The following ZNF655 variants were observed in gnomAD, a reference collection of about 807,000 sequenced individuals.
The protein encoded by ZNF655 is zinc finger protein 655.
In ZNF655, 3 loss-of-function variants were observed where a neutral mutation model predicts 6.6. That is an observed-to-expected ratio of 0.46 (90% CI 0.21 to 1.18). The LOEUF is 1.18. ZNF655 is among the 50% of genes most tolerant of loss of function. ZNF655 has a pLI of 0.24. For missense variants in ZNF655, 526 were observed against 572.3 expected, an observed-to-expected ratio of 0.92 and a Z score of 0.83; for synonymous variants, 178 against 195.0, an observed-to-expected ratio of 0.91 and a Z score of 0.73.
At chr7:99,560,791 G>C in intron 2 of ZNF655, 96 bp downstream of exon 2, 1 of 1,491,354 alleles carries the variant, frequency 6.7e-7, no homozygotes, top group Non-Finnish European at 9.1e-7. Context: ...CCAAGAACTG[G>C]AATAAGAACA....
rs1226020895 is a variant in ZNF655 at position 99,572,314 on chromosome 7, A to G, written c.206A>G (p.Tyr69Cys). 9.3e-6 allele frequency: 15 copies of G among 1,613,338 alleles called. No homozygotes were observed. The highest frequency in any genetic ancestry group is 2.2e-5 in the South Asian group (2 of 91,028). Reference sequence around the variant, plus strand: ...AAAATTTCGGAAGAAGTGCATTCATACAAAGTGAGAGTAGGAAGACTCAAA... The same window carrying G: ...AAAATTTCGGAAGAAGTGCATTCATGCAAAGTGAGAGTAGGAAGACTCAAA... The part of the protein sequence containing the change: ...KQKISEEVHS[Y>C]KVRVGRLKHD... The change falls in exon 3 of 3, where the codon TAC (tyrosine) becomes TGC (cysteine). Residue 69 changes from tyrosine to cysteine, a missense_variant. Coordinates refer to ENST00000252713, the MANE Select transcript of ZNF655 (RefSeq NM_138494.3).
intron 2 of ZNF655, chr7:99,561,938 G>C: frequency 6.3e-7 from 1 of 1,598,108 alleles, no homozygotes; most frequent in East Asian, 2.3e-5. Flanking sequence ...AAGCCCAGGA[G>C]ACCAGGCAGC....
At chr7:99,566,041 G>GTGTA (rs59166250) in intron 2 of ZNF655, among the ~76,000 whole-genome samples, 2 of 149,994 alleles carry the variant, frequency 1.3e-5, no homozygotes, top group South Asian at 2.1e-4. Context: ...GTGTGTGTGT[G>GTGTA]TATATATATA....
intron 2 of ZNF655, chr7:99,564,346 G>GCGAACACAA: frequency 8.8e-7 from 1 of 1,139,424 alleles, no homozygotes. Context: ...CTTTTATGTG[G>GCGAACACAA]CGAACACAAC....
intron 2 of ZNF655, chr7:99,564,353 C>T (rs777302459): frequency 1.3e-4 from 150 of 1,131,862 alleles, no homozygotes; most frequent in Non-Finnish European, 1.6e-4. Context: ...GTGGCGAACA[C>T]AACCTGCCCC....
intron 2 of ZNF655, among the ~76,000 whole-genome samples, chr7:99,566,373 A>G (rs1803634894): frequency 6.6e-6 from 1 of 152,210 alleles, no homozygotes; most frequent in African/African-American, 2.4e-5. Flanking sequence ...GGGACCAGAA[A>G]GGACATGCAT....
In ZNF655 at chr7:99,575,889, C is replaced by T. The variant is rs1804367107; in HGVS notation, c.*2305C>T. 1 of 152,162 alleles carries T rather than the reference C, an allele frequency of 6.6e-6. No homozygotes were observed. The highest frequency in any genetic ancestry group is 2.1e-4 in the South Asian group (1 of 4,830). 9.4% of individuals were successfully genotyped at this position (152,162 alleles called of 1,614,324 possible). A position where few individuals can be genotyped will look rare whatever the true frequency, so the allele number is the denominator to read the frequency against. ...ATAAAAGTGATTACAGATGTTGGCTCAAGTTCAGGGCCACCATCATATACC... is the reference window on the plus strand; with the variant it reads ...ATAAAAGTGATTACAGATGTTGGCTTAAGTTCAGGGCCACCATCATATACC... On this transcript the variant is annotated 3_prime_UTR_variant, in exon 3 of 3. Coordinates refer to ENST00000252713, the MANE Select transcript of ZNF655 (RefSeq NM_138494.3).
At chr7:99,564,120 C>A in intron 2 of ZNF655, 1 of 1,519,578 alleles carries the variant, frequency 6.6e-7, no homozygotes. Flanking sequence ...TGTAAAATCG[C>A]AGCTCCTCAA....
intron 2 of ZNF655, chr7:99,571,476 C>T: frequency 7.8e-7 from 1 of 1,278,868 alleles, no homozygotes; most frequent in Non-Finnish European, 1.0e-6. Flanking sequence ...CTTCTGCTCC[C>T]AAGTCATCAA....
intron 1 of ZNF655, among the ~76,000 whole-genome samples, chr7:99,559,418 G>T (rs1202622549): frequency 1.3e-5 from 2 of 152,050 alleles, no homozygotes; most frequent in South Asian, 2.1e-4. Context: ...GTAAACGCGG[G>T]CCTGTCACGG....
At position 99,574,101 on chromosome 7, in the gene ZNF655, A is replaced by G. The variant is rs1267486158; in HGVS notation, c.*517A>G. 6.5e-6 allele frequency: 1 copy of G among 154,090 alleles called. No homozygotes were observed. Among genetic ancestry groups the G allele is most frequent in the Non-Finnish European group, 1.4e-5 (1 of 69,236 alleles). The allele number at this position is 154,090 out of a possible 1,614,324, so 9.5% of individuals were successfully genotyped here. ...AAGAGAACTTATTTGGGTGTAGTAA[A>G]TGGCAGATCTTTCAATAGGAGTTTA... On this transcript the variant is annotated 3_prime_UTR_variant, in exon 3 of 3. Transcript: ENST00000252713.
chr7:99,564,448 C>T (rs1031310104), intron 2 of ZNF655: 58 of 1,010,238 alleles, frequency 5.7e-5, no homozygotes, highest in South Asian at 2.1e-4. Context: ...TCCCTGTGGC[C>T]CTCTTCAAGG....
chr7:99,572,275 T>A lies in ZNF655; in HGVS notation c.167T>A (p.Leu56Ter). 1 of 1,609,444 alleles carries A rather than the reference T, an allele frequency of 6.2e-7. No individual in the cohort carries two copies. The highest frequency in any genetic ancestry group is 8.5e-7 in the Non-Finnish European group (1 of 1,178,536). ...DGETREENKL[L>*]IPKQKISEEV... is the part of the protein sequence containing the mutation. ...GAGACCAGAGAAGAGAACAAGCTGT[T>A]GATTCCTAAGCAGAAAATTTCGGAA... Residue 56 changes from leucine (L) to a stop codon, truncating the protein, a stop_gained, in exon 3 of 3, where the codon TTG (leucine) becomes TAG (stop). Transcript: ENST00000252713. LOFTEE classifies it low-confidence loss of function (END_TRUNC).
chr7:99,567,192 ATAACT>A (rs779801880), intron 2 of ZNF655, among the ~76,000 whole-genome samples: 11 of 152,246 alleles, frequency 7.2e-5, no homozygotes, highest in Admixed American at 1.3e-4. Flanking sequence ...AAAGGTTTTA[ATAACT>A]TAATTTTAAA....
intron 2 of ZNF655, chr7:99,560,912 C>A: frequency 2.4e-6 from 1 of 424,160 alleles, no homozygotes; most frequent in Non-Finnish European, 4.0e-6. Flanking sequence ...AGAGTGATGG[C>A]TGCTTACTCG....
intron 2 of ZNF655, chr7:99,562,096 AATTGATCCTCTTC>A: frequency 1.1e-6 from 1 of 898,930 alleles, no homozygotes; most frequent in Non-Finnish European, 1.6e-6. Context: ...CCAGTTTGGG[AATTGATCCTCTTC>A]GGAGACCTGG....
intron 2 of ZNF655, among the ~76,000 whole-genome samples, chr7:99,561,236 C>G (rs1803126518): frequency 6.6e-6 from 1 of 152,254 alleles, no homozygotes; most frequent in South Asian, 2.1e-4. Flanking sequence ...TACGCAGTCA[C>G]ACTTTGCTGT....
intron 1 of ZNF655, among the ~76,000 whole-genome samples, chr7:99,559,816 C>T (rs1216143881): frequency 7.8e-6 from 1 of 127,570 alleles, no homozygotes; most frequent in East Asian, 2.2e-4. Flanking sequence ...TTTGTAGGGA[C>T]GGGGTTTCAC....
intron 2 of ZNF655, chr7:99,561,839 G>A: frequency 7.5e-7 from 1 of 1,325,836 alleles, no homozygotes; most frequent in Non-Finnish European, 1.0e-6. Context: ...CTGAAAGGGA[G>A]CCCTGGGAAA....
Sources: allele counts gnomAD v4.1 joint callset (sites outside exome capture counted in the v4.1 genomes callset), GRCh38; gene constraint gnomAD v4.1.1; transcripts MANE v1.5; gene names NCBI Gene and HGNC (gene_info 2026-07-23, HGNC 2026-07-21).